Variants in FGGY observed in about 807,000 individuals in gnomAD.
FGGY encodes the protein FGGY carbohydrate kinase domain containing.
FGGY carries 72 observed loss-of-function variants against 71.3 expected under a neutral mutation model. The observed-to-expected ratio is 1.01, with a 90% CI of 0.84 to 1.23. FGGY has a LOEUF of 1.23. Among genes scored for constraint, FGGY ranks in the 50% most tolerant of loss-of-function variants. The pLI is 0.00. For synonymous variants in FGGY, 251 were observed against 250.3 expected (o/e 1.00, Z -0.02); for missense variants, 668 against 682.3 (o/e 0.98, Z 0.23).
At chr1:59,478,822 A>C (rs1177267353) in intron 6 of FGGY, among the ~76,000 whole-genome samples, 2 of 152,188 alleles carry the variant, frequency 1.3e-5, no homozygotes, top group African/African-American at 4.8e-5. Flanking sequence ...TGTGCCTGCA[A>C]AGGAGGCTAA....
At chr1:59,605,075 A>G (rs763392781) in intron 8 of FGGY, among the ~76,000 whole-genome samples, 1 of 151,886 alleles carries the variant, frequency 6.6e-6, no homozygotes, top group East Asian at 1.9e-4. Flanking sequence ...CAACACTCAC[A>G]CTCACCCACC....
intron 14 of FGGY, among the ~76,000 whole-genome samples, chr1:59,682,644 G>A (rs2097512284): frequency 6.6e-6 from 1 of 152,186 alleles, no homozygotes; most frequent in Admixed American, 6.5e-5. Flanking sequence ...CTAATCTCCT[G>A]CCTGCCTCAC....
At chr1:59,536,526 A>G (rs2095319344) in intron 7 of FGGY, among the ~76,000 whole-genome samples, 3 of 152,198 alleles carry the variant, frequency 2.0e-5, no homozygotes, top group Admixed American at 6.5e-5. Context: ...GACACAACCA[A>G]AAAAGAGAAT....
At chr1:59,622,844 C>T (rs532845101) in intron 9 of FGGY, among the ~76,000 whole-genome samples, 188 of 152,250 alleles carry the variant, frequency 1.2e-3, no homozygotes, top group African/African-American at 4.4e-3. Flanking sequence ...ACTGTTTTTT[C>T]CTTCCTTGTG....
At chr1:59,417,187 A>G (rs1307038678) in intron 5 of FGGY, among the ~76,000 whole-genome samples, 14 of 152,078 alleles carry the variant, frequency 9.2e-5, no homozygotes, top group Non-Finnish European at 4.4e-5. Context: ...TTTCCTGGAC[A>G]TTTTGTTTGG....
intron 12 of FGGY, among the ~76,000 whole-genome samples, chr1:59,667,011 A>T (rs540096246): frequency 3.9e-5 from 6 of 152,204 alleles, no homozygotes; most frequent in Non-Finnish European, 7.3e-5. Flanking sequence ...GACATTGTCA[A>T]CTGTTTTTGT....
At chr1:59,633,575 G>A (rs2096928666) in intron 10 of FGGY, among the ~76,000 whole-genome samples, 1 of 149,148 alleles carries the variant, frequency 6.7e-6, no homozygotes, top group Admixed American at 6.6e-5. Flanking sequence ...TCCATCTGAA[G>A]GGTTTTAGAT....
At chr1:59,724,026 G>A (rs2097919110) in intron 14 of FGGY, among the ~76,000 whole-genome samples, 1 of 152,038 alleles carries the variant, frequency 6.6e-6, no homozygotes, top group East Asian at 1.9e-4. Flanking sequence ...AGCCAGGCAT[G>A]GTGGCAGGGG....
At chr1:59,572,756 A>T (rs2096008477) in intron 8 of FGGY, among the ~76,000 whole-genome samples, 1 of 152,162 alleles carries the variant, frequency 6.6e-6, no homozygotes, top group Non-Finnish European at 1.5e-5. Flanking sequence ...GGCAAACACA[A>T]TAGAGGCTTA....
At chr1:59,720,610 G>A (rs553354978) in intron 14 of FGGY, among the ~76,000 whole-genome samples, 109 of 152,224 alleles carry the variant, frequency 7.2e-4, no homozygotes, top group African/African-American at 2.5e-3. Flanking sequence ...ATTTTGTTTC[G>A]GAAAGGAGAT....
chr1:59,435,750 G>A (rs1485064824), intron 5 of FGGY, among the ~76,000 whole-genome samples: 2 of 62,710 alleles, frequency 3.2e-5, no homozygotes, highest in African/African-American at 1.8e-4. Flanking sequence ...GCCTGCGTGT[G>A]TGTGTGTGTG....
At chr1:59,527,568 C>A (rs1014160217) in intron 7 of FGGY, among the ~76,000 whole-genome samples, 1 of 152,216 alleles carries the variant, frequency 6.6e-6, no homozygotes, top group Non-Finnish European at 1.5e-5. Context: ...AAAAAACATA[C>A]AAAGTTTGCT....
chr1:59,629,184 G>A (rs2096885722), intron 10 of FGGY, among the ~76,000 whole-genome samples: 1 of 151,934 alleles, frequency 6.6e-6, no homozygotes, highest in African/African-American at 2.4e-5. Flanking sequence ...CCTGTACATT[G>A]TGTACATGTA....
intron 1 of FGGY, among the ~76,000 whole-genome samples, chr1:59,311,296 A>G (rs900314292): frequency 6.6e-6 from 1 of 151,122 alleles, no homozygotes; most frequent in African/African-American, 2.4e-5. Flanking sequence ...AAGTTCCAGG[A>G]TACATGTGTA....
intron 12 of FGGY, among the ~76,000 whole-genome samples, chr1:59,662,404 G>A (rs776638859): frequency 1.3e-5 from 2 of 151,586 alleles, no homozygotes; most frequent in Admixed American, 6.6e-5. Context: ...ACCTTACTAC[G>A]TAGATATTAT....
intron 1 of FGGY, among the ~76,000 whole-genome samples, chr1:59,309,528 G>A (rs1243747358): frequency 3.3e-5 from 5 of 152,148 alleles, no homozygotes; most frequent in Admixed American, 3.3e-4. Flanking sequence ...TAAAGATATT[G>A]GGCTTTATTT....
At chr1:59,564,883 G>A (rs1463165336) in intron 8 of FGGY, among the ~76,000 whole-genome samples, 1 of 152,182 alleles carries the variant, frequency 6.6e-6, no homozygotes, top group Non-Finnish European at 1.5e-5. Context: ...CCTTTAGGGG[G>A]AATCTATCTA....
At chr1:59,601,607 T>A (rs2096579076) in intron 8 of FGGY, among the ~76,000 whole-genome samples, 1 of 152,152 alleles carries the variant, frequency 6.6e-6, no homozygotes, top group Non-Finnish European at 1.5e-5. Flanking sequence ...TCAGGGTAAC[T>A]CTAAGTCTGA....
chr1:59,688,893 G>A (rs540422758), intron 14 of FGGY, among the ~76,000 whole-genome samples: 3 of 152,062 alleles, frequency 2.0e-5, no homozygotes, highest in African/African-American at 7.2e-5. Context: ...GGGATTACAG[G>A]CACCTGCCAC....
Sources: gnomAD v4.1 joint callset for allele counts (sites outside exome capture counted in the v4.1 genomes callset) on GRCh38, gnomAD v4.1.1 for gene constraint, MANE v1.5 for transcripts, NCBI Gene and HGNC (gene_info 2026-07-23, HGNC 2026-07-21) for gene names.